Variants in TIAM1 observed in about 807,000 individuals in gnomAD.
TIAM1 encodes the protein TIAM Rac1 associated GEF 1.
Under a neutral mutation model 163.5 loss-of-function variants are expected in TIAM1, and 65 were observed. The observed-to-expected ratio is 0.40, with a 90% CI of 0.33 to 0.49. The LOEUF (loss-of-function observed/expected upper bound fraction) is 0.49, where lower values mean the gene tolerates loss of function less well. TIAM1 is among the 20% of genes least tolerant of loss of function. The pLI, the probability that TIAM1 is intolerant of heterozygous loss-of-function variation, is 0.77. For missense variants in TIAM1, 1,789 were observed against 2,044.7 expected (o/e 0.87, Z 2.41); for synonymous variants, 833 against 810.1 (o/e 1.03, Z -0.48).
At chr21:31,165,201 T>C (rs967459932) in intron 15 of TIAM1, 136 bp from the exon 16 acceptor site, 4 of 633,152 alleles carry the variant, frequency 6.3e-6, no homozygotes, top group African/African-American at 5.5e-5. Context: ...ACAAGCTCCA[T>C]CACCTGGGCT....
intron 2 of TIAM1, among the ~76,000 whole-genome samples, chr21:31,295,995 C>T (rs556026070): frequency 4.3e-4 from 65 of 152,182 alleles, no homozygotes; most frequent in African/African-American, 1.5e-3. Context: ...GACGGGTTTT[C>T]GCCATGTTGG....
intron 2 of TIAM1, among the ~76,000 whole-genome samples, chr21:31,282,147 C>T (rs1223662617): frequency 6.6e-6 from 1 of 152,114 alleles, no homozygotes; most frequent in African/African-American, 2.4e-5. Flanking sequence ...TTGTAAATTT[C>T]ACAATGTCCA....
chr21:31,358,473 C>T (rs2147129998), intron 2 of TIAM1, among the ~76,000 whole-genome samples: 1 of 152,292 alleles, frequency 6.6e-6, no homozygotes, highest in South Asian at 2.1e-4. Flanking sequence ...CCCTAGACTC[C>T]ACAATCGAAT....
At chr21:31,380,094 C>A (rs566136717) in intron 2 of TIAM1, among the ~76,000 whole-genome samples, 129 of 152,172 alleles carry the variant, frequency 8.5e-4, no homozygotes, top group Middle Eastern at 3.4e-3. Context: ...GAAACCCTGT[C>A]TCTACTAAAA....
chr21:31,268,263 T>C (rs955195931), intron 3 of TIAM1, among the ~76,000 whole-genome samples: 1 of 152,134 alleles, frequency 6.6e-6, no homozygotes, highest in African/African-American at 2.4e-5. Flanking sequence ...CCTACTCTCA[T>C]GAAGCTAATT....
chr21:31,514,093 T>G (rs2047302205), intron 1 of TIAM1, among the ~76,000 whole-genome samples: 1 of 152,072 alleles, frequency 6.6e-6, no homozygotes, highest in South Asian at 2.1e-4. Context: ...TCCCTTGTAT[T>G]TCAAAAGCGG....
At chr21:31,125,496 A>C (rs566525546) in intron 26 of TIAM1, among the ~76,000 whole-genome samples, 1 of 152,212 alleles carries the variant, frequency 6.6e-6, no homozygotes, top group Non-Finnish European at 1.5e-5. Context: ...CCTTTTGTTG[A>C]CCTCTGTCAC....
At chr21:31,245,397 A>AT in intron 6 of TIAM1, 91 bp downstream of exon 6, 3 of 692,926 alleles carry the variant, frequency 4.3e-6, no homozygotes, top group Non-Finnish European at 6.0e-6. Flanking sequence ...AAAAAAAAAA[A>AT]GCAGTGGAGG....
At chr21:31,260,200 T>C (rs1448287829) in intron 4 of TIAM1, among the ~76,000 whole-genome samples, 1 of 147,254 alleles carries the variant, frequency 6.8e-6, no homozygotes, top group Non-Finnish European at 1.5e-5. Flanking sequence ...TAAATATTTT[T>C]ATATAAATAT....
chr21:31,530,324 T>G (rs2047930996), intron 1 of TIAM1, among the ~76,000 whole-genome samples: 1 of 152,236 alleles, frequency 6.6e-6, no homozygotes, highest in African/African-American at 2.4e-5. Flanking sequence ...GACAAGGCAA[T>G]TGAGGCTGAG....
chr21:31,229,408 T>G (rs1304535405), intron 6 of TIAM1, among the ~76,000 whole-genome samples: 1 of 152,206 alleles, frequency 6.6e-6, no homozygotes, highest in Non-Finnish European at 1.5e-5. Flanking sequence ...ATAATTTTTC[T>G]ATAACTATGC....
In TIAM1 at chr21:31,141,147, T is replaced by A. The variant is rs150599536; in HGVS notation, c.3745A>T (p.Ile1249Phe). ...EEFGAVFDQL[I>F]AEQTGEKKEV... Reference sequence around the variant, plus strand: ...TTTTTCTCACCAGTCTGTTCAGCAATCAGCTGGTCAAACACAGCCCCAAAC... The same window carrying A: ...TTTTTCTCACCAGTCTGTTCAGCAAACAGCTGGTCAAACACAGCCCCAAAC... The change falls in exon 22 of 28, where the codon ATT becomes TTT. Residue 1249 changes from isoleucine to phenylalanine, a missense_variant. Ile to Phe is a conservative substitution (Grantham distance 21). This residue lies in a region of TIAM1 where 415 missense variants were observed against 439.2 expected (regional missense o/e 0.94). Coordinates refer to ENST00000541036, the MANE Select transcript of TIAM1 (RefSeq NM_001353694.2). The surrounding 1 kb of genome is among the most constrained non-coding windows in gnomAD (Gnocchi z 4.7). The A allele has an allele frequency of 5.0e-6, 8 of 1,614,066 alleles. No homozygotes were observed. The highest frequency in any genetic ancestry group is 5.9e-6 in the Non-Finnish European group (7 of 1,180,018).
intron 2 of TIAM1, among the ~76,000 whole-genome samples, chr21:31,288,425 C>A (rs535595831): frequency 6.6e-6 from 1 of 152,254 alleles, no homozygotes; most frequent in East Asian, 1.9e-4. Context: ...CTGTTCCTCA[C>A]AGATGGCACC....
chr21:31,243,387 A>T (rs2071324301), intron 6 of TIAM1, among the ~76,000 whole-genome samples: 1 of 151,540 alleles, frequency 6.6e-6, no homozygotes, highest in Non-Finnish European at 1.5e-5. Flanking sequence ...AAATGAACAG[A>T]GTCTCAGAGG....
intron 2 of TIAM1, among the ~76,000 whole-genome samples, chr21:31,444,985 C>G (rs1033688122): frequency 1.4e-5 from 2 of 147,186 alleles, no homozygotes; most frequent in Non-Finnish European, 3.0e-5. Context: ...GCAACAAGAG[C>G]GAAATTACAT....
At chr21:31,290,264 C>G (rs2073967733) in intron 2 of TIAM1, among the ~76,000 whole-genome samples, 1 of 151,722 alleles carries the variant, frequency 6.6e-6, no homozygotes, top group Non-Finnish European at 1.5e-5. Flanking sequence ...GGCCAGTGCT[C>G]AAGGAAATAC....
At position 31,187,014 on chromosome 21, in the gene TIAM1, T is replaced by C; in HGVS notation, c.2649A>G (p.Leu883=). ...TCACTGACTTACCTTTCTTGGAAGCTAAACCGGTTTCCTTCACACTATTCA... is the reference window on the plus strand; with the variant it reads ...TCACTGACTTACCTTTCTTGGAAGCCAAACCGGTTTCCTTCACACTATTCA... ...LYVNSVKETG[L]ASKKGLKAGD... The change falls in exon 14 of 28, where the codon TTA becomes TTG. Residue 883 remains leucine (L), a synonymous_variant. Transcript: ENST00000541036. The C allele has an allele frequency of 6.2e-7, 1 of 1,614,076 alleles. No individual in the cohort carries two copies. Among genetic ancestry groups the C allele is most frequent in the Non-Finnish European group, 8.5e-7 (1 of 1,179,976 alleles).
rs576309359 is a variant in TIAM1 at position 31,194,111 on chromosome 21, A to G, written c.2575+1113T>C. 1.3e-4 allele frequency among the ~76,000 whole-genome samples: 19 copies of G among 150,734 alleles called. No homozygotes were observed. The South Asian group carries it at 2.9e-3, about 23-fold the overall frequency. ...TCGGGCACCCCTCTCTCTCTGCAGG[A>G]GAGAGAGCTATTCTCCTTTCTCTTT... On this transcript the variant is annotated intron_variant, in intron 13 of 27. Transcript: ENST00000541036.
chr21:31,267,100 T>A, intron 3 of TIAM1, 117 bp from the exon 4 acceptor site: 1 of 1,405,054 alleles, frequency 7.1e-7, no homozygotes, highest in Non-Finnish European at 9.5e-7. Flanking sequence ...ACAGGGGTTG[T>A]TAGGTAAGTA....
Sources: gnomAD v4.1 joint callset for allele counts (sites outside exome capture counted in the v4.1 genomes callset) on GRCh38, gnomAD v4.1.1 for gene constraint, gnomAD v4.1.1 regional missense constraint, Gnocchi (gnomAD v3.1) non-coding constraint, MANE v1.5 for transcripts, NCBI Gene and HGNC (gene_info 2026-07-23, HGNC 2026-07-21) for gene names.